Variants in RORA observed in about 807,000 individuals in gnomAD.
RORA encodes the protein nuclear receptor ROR-alpha.
RORA carries 7 observed loss-of-function variants against 69.5 expected under a neutral mutation model. The observed-to-expected ratio is 0.10, with a 90% CI of 0.06 to 0.19. The LOEUF (loss-of-function observed/expected upper bound fraction) is 0.19, where lower values mean the gene tolerates loss of function less well. Ranked by LOEUF, RORA falls within the 10% of genes least tolerant of loss-of-function variation. The pLI, the probability that RORA is intolerant of heterozygous loss-of-function variation, is 1.00. For missense variants in RORA, 457 were observed against 663.0 expected (o/e 0.69, Z 3.41); for synonymous variants, 261 against 240.8 (o/e 1.08, Z -0.78).
intron 1 of RORA, among the ~76,000 whole-genome samples, chr15:61,212,257 T>TA (rs1278113618): frequency 1.6e-3 from 56 of 35,408 alleles, no homozygotes; most frequent in African/African-American, 2.7e-3. Flanking sequence ...TTTGTTTGTT[T>TA]TAAAAAAAAA....
intron 1 of RORA, among the ~76,000 whole-genome samples, chr15:60,698,700 C>T (rs1387070328): frequency 1.4e-5 from 2 of 143,910 alleles, no homozygotes; most frequent in Non-Finnish European, 3.0e-5. Flanking sequence ...TAGATATCAT[C>T]GTGTCCTGTA....
At chr15:60,969,183 A>G (rs909217947) in intron 1 of RORA, among the ~76,000 whole-genome samples, 1 of 152,180 alleles carries the variant, frequency 6.6e-6, no homozygotes, top group African/African-American at 2.4e-5. Context: ...GAGACTGTCA[A>G]GCTTCTCCAC....
chr15:61,072,275 A>G (rs752397781), intron 1 of RORA, among the ~76,000 whole-genome samples: 19 of 152,136 alleles, frequency 1.2e-4, no homozygotes, highest in Admixed American at 3.9e-4. Context: ...CCCTCTTCTC[A>G]GTTCCCTCAA....
In RORA at chr15:61,061,466, G is replaced by A. The variant is rs2078185688; in HGVS notation, c.166+167587C>T. Among the ~76,000 whole-genome samples, 3 of 152,198 alleles carry A rather than the reference G, an allele frequency of 2.0e-5. No homozygotes were observed. Among genetic ancestry groups the A allele is most frequent in the Admixed American group, 2.0e-4 (3 of 15,278 alleles). On this transcript the variant is annotated intron_variant, in intron 1 of 10. Coordinates refer to ENST00000335670, the MANE Select transcript of RORA (RefSeq NM_134261.3). The surrounding 1 kb of genome is among the most constrained non-coding windows in gnomAD (Gnocchi z 4.4). The stretch of plus-strand genomic sequence containing the variant: ...CAGGCATATCTGTTGTTGCTGACCT[G>A]AGAGCTATGGATGCTGTGAGCAGGG...
chr15:60,754,176 A>C (rs2071764574), intron 1 of RORA, among the ~76,000 whole-genome samples: 1 of 152,204 alleles, frequency 6.6e-6, no homozygotes, highest in Admixed American at 6.5e-5. Flanking sequence ...ACAATATAGC[A>C]TGAGGTATTT....
At chr15:60,759,572 T>A (rs1188966520) in intron 1 of RORA, among the ~76,000 whole-genome samples, 1 of 152,162 alleles carries the variant, frequency 6.6e-6, no homozygotes, top group Non-Finnish European at 1.5e-5. Flanking sequence ...ACATTTTGCG[T>A]GCAACCACAG....
chr15:60,980,568 A>T (rs1289439093), intron 1 of RORA, among the ~76,000 whole-genome samples: 1 of 152,046 alleles, frequency 6.6e-6, no homozygotes, highest in Non-Finnish European at 1.5e-5. Context: ...TTATAAGTCT[A>T]TTCATGTATT....
chr15:60,597,971 T>C (rs1199083095), intron 2 of RORA, among the ~76,000 whole-genome samples: 1 of 152,052 alleles, frequency 6.6e-6, no homozygotes, highest in Non-Finnish European at 1.5e-5. Flanking sequence ...TATGGTGGAA[T>C]GGGCTTTGGC....
chr15:60,942,300 C>T (rs890926722), intron 1 of RORA, among the ~76,000 whole-genome samples: 11 of 152,234 alleles, frequency 7.2e-5, no homozygotes, highest in Admixed American at 2.6e-4. Flanking sequence ...CGCCTGTAAA[C>T]AGCAGAGCTG....
chr15:61,133,135 T>TC (rs891102428), intron 1 of RORA, among the ~76,000 whole-genome samples: 7 of 150,810 alleles, frequency 4.6e-5, no homozygotes, highest in Admixed American at 2.0e-4. Context: ...TTGTTCATTA[T>TC]CCCCCCACCA....
In RORA at chr15:61,119,404, TATAC is replaced by T. The variant is rs1166115678; in HGVS notation, c.166+109645_166+109648del. On this transcript the variant is annotated intron_variant, in intron 1 of 10. Transcript: ENST00000335670. The stretch of plus-strand genomic sequence containing the variant: ...TTTTGTATATGTATATATATATATA[TATAC>T]ACACACTATATATATATATATACAC... Among the ~76,000 whole-genome samples the T allele has an allele frequency of 7.5e-4, 80 of 106,688 alleles. 1 individual carries two copies. The East Asian group carries it at 0.016, about 21-fold the overall frequency. The allele number at this position is 106,688 out of a possible 152,430, so 70.0% of individuals were successfully genotyped here. A position where few individuals can be genotyped will look rare whatever the true frequency, so the allele number is the denominator to read the frequency against.
intron 1 of RORA, among the ~76,000 whole-genome samples, chr15:60,852,491 A>G (rs1293095051): frequency 6.6e-6 from 1 of 152,350 alleles, no homozygotes; most frequent in East Asian, 1.9e-4. Context: ...AACTATATAC[A>G]TAAAATACCT....
intron 1 of RORA, among the ~76,000 whole-genome samples, chr15:60,829,876 T>C (rs1428675647): frequency 1.3e-5 from 2 of 152,250 alleles, no homozygotes; most frequent in African/African-American, 4.8e-5. Context: ...TTAGCAGTAG[T>C]TAATGTCTCC....
intron 2 of RORA, among the ~76,000 whole-genome samples, chr15:60,617,203 T>C (rs2069267766): frequency 6.6e-6 from 1 of 152,184 alleles, no homozygotes; most frequent in Non-Finnish European, 1.5e-5. Flanking sequence ...ACAGAACCCA[T>C]CACAGTGCCT....
intron 1 of RORA, among the ~76,000 whole-genome samples, chr15:61,059,091 A>G (rs1012000718): frequency 6.6e-6 from 1 of 152,214 alleles, no homozygotes; most frequent in African/African-American, 2.4e-5. Flanking sequence ...TCTTCCTCCT[A>G]ATGTCTATCA....
At chr15:60,718,893 C>T (rs1010596100) in intron 1 of RORA, among the ~76,000 whole-genome samples, 1 of 152,186 alleles carries the variant, frequency 6.6e-6, no homozygotes, top group African/African-American at 2.4e-5. Flanking sequence ...ACAATTGACA[C>T]AGAGCTCTGT....
At chr15:60,738,481 T>C (rs2071531789) in intron 1 of RORA, among the ~76,000 whole-genome samples, 2 of 152,180 alleles carry the variant, frequency 1.3e-5, no homozygotes, top group African/African-American at 4.8e-5. Flanking sequence ...TCACATCTTT[T>C]GTGGGCCCTG....
At chr15:61,201,579 A>T (rs1490315766) in intron 1 of RORA, among the ~76,000 whole-genome samples, 2 of 152,222 alleles carry the variant, frequency 1.3e-5, no homozygotes, top group African/African-American at 4.8e-5. Flanking sequence ...AACATTGCAC[A>T]TTAACTCAAA....
chr15:61,176,240 T>C (rs1290050838), intron 1 of RORA: 7 of 152,216 alleles, frequency 4.6e-5, no homozygotes, highest in East Asian at 1.9e-4. Flanking sequence ...TCTTGGTAGA[T>C]AGTCAGACTA....
Sources: allele counts gnomAD v4.1 joint callset (sites outside exome capture counted in the v4.1 genomes callset), GRCh38; gene constraint gnomAD v4.1.1; non-coding constraint Gnocchi (gnomAD v3.1); transcripts MANE v1.5; gene names NCBI Gene and HGNC (gene_info 2026-07-23, HGNC 2026-07-21).